Variants in RTL4 observed in about 807,000 individuals in gnomAD.
RTL4 encodes the protein retrotransposon Gag-like protein 4.
A neutral mutation model predicts 5.3 loss-of-function variants in RTL4; 4 were observed. The ratio of observed to expected loss-of-function variants is 0.75; its 90% CI spans 0.37 to 1.72. The LOEUF (loss-of-function observed/expected upper bound fraction) is 1.72, where lower values mean the gene tolerates loss of function less well. Among genes scored for constraint, RTL4 ranks in the 40% most tolerant of loss-of-function variants. RTL4 has a pLI of 0.04. For missense variants in RTL4, 260 were observed against 227.1 expected (o/e 1.14, Z -0.93); for synonymous variants, 98 against 87.3 (o/e 1.12, Z -0.68).
the RTL4 span, among the ~76,000 whole-genome samples, chrX:112,230,848 G>A: frequency 0.24 from 26,359 of 107,793 alleles, 2,978 homozygotes; most frequent in African/African-American, 0.45. Flanking sequence ...GGCTAATATC[G>A]AGAATCTACA....
At chrX:112,393,589 C>T in the RTL4 span, among the ~76,000 whole-genome samples, 3 of 111,849 alleles carry the variant, frequency 2.7e-5, no homozygotes, top group Non-Finnish European at 3.8e-5. Context: ...GCAGTCTGAC[C>T]TTGTTTTCAT....
At chrX:112,316,153 A>G in the RTL4 span, among the ~76,000 whole-genome samples, 1 of 112,086 alleles carries the variant, frequency 8.9e-6, no homozygotes, top group East Asian at 2.8e-4. Context: ...GTGTAAAGTG[A>G]CAGCCCAGTG....
At chrX:112,222,416 G>A in the RTL4 span, among the ~76,000 whole-genome samples, 5 of 111,457 alleles carry the variant, frequency 4.5e-5, no homozygotes. Flanking sequence ...CATATCTTCT[G>A]CAATAGTAAA....
chrX:112,284,029 C>A, the RTL4 span, among the ~76,000 whole-genome samples: 1 of 108,751 alleles, frequency 9.2e-6, no homozygotes, highest in Admixed American at 1.0e-4. Context: ...TTTTTCAAAA[C>A]CCTAGAGGTT....
chrX:112,430,609 A>G, the RTL4 span, among the ~76,000 whole-genome samples: 1 of 111,100 alleles, frequency 9.0e-6, no homozygotes. Flanking sequence ...TTTTCTTGAG[A>G]CGGATTCTCA....
the RTL4 span, among the ~76,000 whole-genome samples, chrX:112,212,318 A>G: frequency 2.7e-5 from 3 of 111,898 alleles, no homozygotes; most frequent in South Asian, 3.8e-4. Context: ...CGGAGCTTGC[A>G]GTGAGCCGAG....
At chrX:112,323,947 C>T in the RTL4 span, among the ~76,000 whole-genome samples, 61 of 111,812 alleles carry the variant, frequency 5.5e-4, no homozygotes, top group Non-Finnish European at 1.1e-3. Flanking sequence ...AATTAACATA[C>T]CAGAAAATTC....
the RTL4 span, among the ~76,000 whole-genome samples, chrX:112,121,172 C>T: frequency 9.0e-6 from 1 of 111,703 alleles, no homozygotes; most frequent in African/African-American, 3.3e-5. Context: ...TATTTATTCC[C>T]AAAGTTAAGT....
the RTL4 span, among the ~76,000 whole-genome samples, chrX:112,202,868 A>G: frequency 2.7e-5 from 3 of 111,403 alleles, no homozygotes; most frequent in African/African-American, 9.8e-5. Context: ...TGATTGTACC[A>G]TTTTAAATCC....
chrX:112,236,460 TCTATATCTATATATA>T, the RTL4 span, among the ~76,000 whole-genome samples: 2 of 80,634 alleles, frequency 2.5e-5, no homozygotes, highest in Non-Finnish European at 4.6e-5. Context: ...TAGATATAGA[TCTATATCTATATATA>T]GATATAGATC....
chrX:112,338,772 C>T, the RTL4 span, among the ~76,000 whole-genome samples: 14 of 111,561 alleles, frequency 1.3e-4, no homozygotes, highest in South Asian at 1.9e-3. Context: ...ATTGTCAAGC[C>T]TCTTTAGTTG....
At chrX:112,276,203 TG>T in the RTL4 span, among the ~76,000 whole-genome samples, 1 of 111,705 alleles carries the variant, frequency 9.0e-6, no homozygotes, top group Non-Finnish European at 1.9e-5. Flanking sequence ...TGCTAAGACG[TG>T]TTAGTAAATT....
At chrX:112,211,517 A>T in the RTL4 span, among the ~76,000 whole-genome samples, 10 of 112,031 alleles carry the variant, frequency 8.9e-5, no homozygotes, top group Non-Finnish European at 7.5e-5. Context: ...TATTTAATAT[A>T]TTGTCTTAAG....
At chrX:112,401,642 T>C in the RTL4 span, among the ~76,000 whole-genome samples, 1,795 of 111,418 alleles carry the variant, frequency 0.016, 31 homozygotes, top group African/African-American at 0.04. Flanking sequence ...TAACACCCTT[T>C]AATTCTAAGT....
At chrX:112,233,422 A>T in the RTL4 span, among the ~76,000 whole-genome samples, 2 of 109,866 alleles carry the variant, frequency 1.8e-5, no homozygotes, top group African/African-American at 6.6e-5. Context: ...TTTGAAGCTG[A>T]GTCCTATTAT....
the RTL4 span, among the ~76,000 whole-genome samples, chrX:112,142,413 G>C: frequency 8.9e-6 from 1 of 112,220 alleles, no homozygotes; most frequent in African/African-American, 3.2e-5. Flanking sequence ...TTCCTATCCT[G>C]ATGGTGGAAG....
chrX:112,248,993 G>A, the RTL4 span, among the ~76,000 whole-genome samples: 1 of 112,382 alleles, frequency 8.9e-6, no homozygotes, highest in Non-Finnish European at 1.9e-5. Context: ...TCCTTTTAAA[G>A]TCCTGGGAGC....
the RTL4 span, among the ~76,000 whole-genome samples, chrX:112,158,175 A>G: frequency 9.0e-6 from 1 of 111,595 alleles, no homozygotes; most frequent in South Asian, 3.8e-4. Flanking sequence ...GATAAAAACA[A>G]GAAGTCATGT....
At chrX:112,100,651 A>T in the RTL4 span, among the ~76,000 whole-genome samples, 1 of 111,757 alleles carries the variant, frequency 8.9e-6, no homozygotes. Flanking sequence ...AAGAGTCTGG[A>T]TGTATTCATT....
Sources: allele counts gnomAD v4.1 joint callset (sites outside exome capture counted in the v4.1 genomes callset), GRCh38; gene constraint gnomAD v4.1.1; transcripts MANE v1.5; gene names NCBI Gene and HGNC (gene_info 2026-07-23, HGNC 2026-07-21).